CHCHD3: variants seen among roughly 807,000 people sequenced by gnomAD.
CHCHD3 encodes the protein MICOS complex subunit MIC19.
In CHCHD3, 20 loss-of-function variants were observed where a neutral mutation model predicts 38.2. The ratio of observed to expected loss-of-function variants is 0.52; its 90% CI spans 0.37 to 0.76. The LOEUF (loss-of-function observed/expected upper bound fraction) is 0.76. Among genes scored for constraint, CHCHD3 ranks in the 30% least tolerant of loss-of-function variants. The pLI is 0.00. For synonymous variants in CHCHD3, 82 were observed against 100.0 expected, an observed-to-expected ratio of 0.82 and a Z score of 1.07; for missense variants, 245 against 279.2, an observed-to-expected ratio of 0.88 and a Z score of 0.87.
chr7:132,815,497 A>T (rs1449241269), intron 6 of CHCHD3: 1 of 451,946 alleles, frequency 2.2e-6, no homozygotes, highest in Non-Finnish European at 4.4e-6. Context: ...TGCAAATGCC[A>T]GTCACAGTTT....
intron 5 of CHCHD3, among the ~76,000 whole-genome samples, chr7:132,881,250 A>C (rs1052131173): frequency 5.9e-5 from 9 of 152,170 alleles, no homozygotes; most frequent in Admixed American, 5.2e-4. Flanking sequence ...TGAAGTGGCC[A>C]ATATAAATAC....
chr7:133,079,263 C>CA (rs1214282352), intron 1 of CHCHD3, among the ~76,000 whole-genome samples: 2 of 152,220 alleles, frequency 1.3e-5, no homozygotes, highest in Non-Finnish European at 2.9e-5. Context: ...CAAACACTGT[C>CA]AAAGTACAAG....
At chr7:133,008,285 A>G (rs1032549664) in intron 3 of CHCHD3, among the ~76,000 whole-genome samples, 3 of 152,192 alleles carry the variant, frequency 2.0e-5, no homozygotes, top group Admixed American at 1.3e-4. Flanking sequence ...GTTATACAGT[A>G]AAAGACAGCT....
chr7:132,831,424 A>C (rs1807647360), intron 6 of CHCHD3, among the ~76,000 whole-genome samples: 1 of 152,196 alleles, frequency 6.6e-6, no homozygotes, highest in African/African-American at 2.4e-5. Context: ...GTAGGTTATA[A>C]GTAGACATCA....
chr7:132,985,680 G>A (rs1454828508), intron 3 of CHCHD3, among the ~76,000 whole-genome samples: 1 of 71,306 alleles, frequency 1.4e-5, no homozygotes, highest in Non-Finnish European at 2.8e-5. Context: ...GAGGGAGGTG[G>A]GGGGGGGGTC....
chr7:132,808,604 C>T (rs1015243829), intron 6 of CHCHD3, among the ~76,000 whole-genome samples: 2 of 152,134 alleles, frequency 1.3e-5, no homozygotes, highest in Non-Finnish European at 2.9e-5. Flanking sequence ...CTCTAAGTAT[C>T]AACTGGTTAT....
At chr7:132,913,683 G>A (rs572482352) in intron 4 of CHCHD3, among the ~76,000 whole-genome samples, 2 of 152,314 alleles carry the variant, frequency 1.3e-5, no homozygotes, top group East Asian at 3.9e-4. Context: ...GAACAAGTGT[G>A]GAGAATGAAT....
chr7:132,964,176 C>T (rs1585680104), intron 4 of CHCHD3, among the ~76,000 whole-genome samples: 1 of 152,194 alleles, frequency 6.6e-6, no homozygotes, highest in Non-Finnish European at 1.5e-5. Context: ...AGCAAGCCCA[C>T]CTCTACTCTC....
At chr7:132,914,988 C>T (rs1810067489) in intron 4 of CHCHD3, among the ~76,000 whole-genome samples, 1 of 152,010 alleles carries the variant, frequency 6.6e-6, no homozygotes, top group African/African-American at 2.4e-5. Context: ...ATGGTGAAAC[C>T]CTGTCTCTAC....
At chr7:132,916,372 T>C (rs556401621) in intron 4 of CHCHD3, among the ~76,000 whole-genome samples, 138 of 152,312 alleles carry the variant, frequency 9.1e-4, no homozygotes, top group African/African-American at 3.2e-3. Flanking sequence ...CTTTGTTTCA[T>C]ATCACCATCC....
chr7:133,047,391 T>C (rs1033346590), intron 2 of CHCHD3, among the ~76,000 whole-genome samples: 6 of 152,152 alleles, frequency 3.9e-5, no homozygotes, highest in African/African-American at 1.4e-4. Context: ...TACATTTCTG[T>C]CACTCAGGAA....
chr7:132,862,943 T>C (rs1585582625), intron 5 of CHCHD3, among the ~76,000 whole-genome samples: 1 of 152,348 alleles, frequency 6.6e-6, no homozygotes, highest in South Asian at 2.1e-4. Flanking sequence ...ATTCGAGTTC[T>C]GTTGCTATTT....
chr7:132,785,304 C>A lies in CHCHD3; in HGVS notation c.*333G>T, dbSNP rs1003637561. On this transcript the variant is annotated 3_prime_UTR_variant, in exon 8 of 8. Transcript: ENST00000262570. ...GGTGGAGGTTCACCAAATGATGGGG[C>A]TTGTTCAGAAGAGAAACATTTTATG... 2 of 249,838 alleles carry A rather than the reference C, an allele frequency of 8.0e-6. No homozygotes were observed. Among genetic ancestry groups the A allele is most frequent in the Non-Finnish European group, 1.5e-5 (2 of 131,040 alleles). 15.5% of individuals were successfully genotyped at this position (249,838 alleles called of 1,614,324 possible). A position where few individuals can be genotyped will look rare whatever the true frequency, so the allele number is the denominator to read the frequency against.
intron 4 of CHCHD3, among the ~76,000 whole-genome samples, chr7:132,953,520 C>T (rs1407504348): frequency 6.6e-6 from 1 of 152,166 alleles, no homozygotes; most frequent in Non-Finnish European, 1.5e-5. Context: ...TCAAAGGAGC[C>T]AGTCCACAGC....
intron 2 of CHCHD3, chr7:133,051,846 G>C (rs1344798691): frequency 2.0e-5 from 3 of 152,152 alleles, no homozygotes; most frequent in Admixed American, 6.5e-5. Context: ...TATAATCGCA[G>C]TGTTAGGAAA....
intron 3 of CHCHD3, among the ~76,000 whole-genome samples, chr7:132,989,044 A>G: frequency 6.6e-6 from 1 of 152,228 alleles, no homozygotes. Flanking sequence ...GAGATGATGT[A>G]AAGTATACGG....
At position 132,972,457 on chromosome 7, in the gene CHCHD3, T is replaced by C. The variant is rs559613075; in HGVS notation, c.369+2712A>G. 2.1e-4 allele frequency: 112 copies of C among 521,922 alleles called. No individual in the cohort carries two copies. The African/African-American group carries it at 2.2e-3, about 10-fold the overall frequency. 32.3% of individuals were successfully genotyped at this position (521,922 alleles called of 1,614,324 possible). Reference sequence around the variant, plus strand: ...ACACAACAAACCAAAATGTTAACAGTAACTATCTCTGAATTGTAGTACATT... The same window carrying C: ...ACACAACAAACCAAAATGTTAACAGCAACTATCTCTGAATTGTAGTACATT... On this transcript the variant is annotated intron_variant, in intron 4 of 7. Transcript: ENST00000262570.
Position 132,785,575 on chromosome 7 carries a change from G to T in CHCHD3, c.*62C>A, listed in dbSNP as rs1196861179. 8.3e-6 allele frequency: 13 copies of T among 1,561,808 alleles called. No homozygotes were observed. In the South Asian group the frequency reaches 1.2e-4, roughly 15 times the overall value. ...CTTCAAATGGGTTGTTTTCTCACTA[G>T]GAAAAAAAATGTTCCATCTCTGGAA... On this transcript the variant is annotated 3_prime_UTR_variant, in exon 8 of 8. Coordinates refer to ENST00000262570, the MANE Select transcript of CHCHD3 (RefSeq NM_017812.4).
At chr7:133,039,952 A>G (rs143607745) in intron 2 of CHCHD3, among the ~76,000 whole-genome samples, 1 of 152,370 alleles carries the variant, frequency 6.6e-6, no homozygotes, top group Non-Finnish European at 1.5e-5. Context: ...GGGTCCCAAC[A>G]TTAGGGAATC....
Sources: gnomAD v4.1 joint callset for allele counts (sites outside exome capture counted in the v4.1 genomes callset) on GRCh38, gnomAD v4.1.1 for gene constraint, MANE v1.5 for transcripts, NCBI Gene and HGNC (gene_info 2026-07-23, HGNC 2026-07-21) for gene names.